Variants in STYXL1 observed in about 807,000 individuals in gnomAD.
The protein encoded by STYXL1 is serine/threonine/tyrosine interacting like 1.
Under a neutral mutation model 36.4 loss-of-function variants are expected in STYXL1, and 32 were observed. The observed-to-expected ratio is 0.88, with a 90% CI of 0.66 to 1.18. The LOEUF (loss-of-function observed/expected upper bound fraction) is 1.18. STYXL1 is among the 50% of genes most tolerant of loss of function. The probability of loss-of-function intolerance (pLI) is 0.00; values close to 1 mark genes in which losing one functional copy is unlikely to be tolerated. For missense variants in STYXL1, 354 were observed against 394.1 expected (o/e 0.90, Z 0.86); for synonymous variants, 133 against 144.1 (o/e 0.92, Z 0.55).
At chr7:76,016,125 CAT>C (rs781933330) in intron 4 of STYXL1, among the ~76,000 whole-genome samples, 5 of 151,880 alleles carry the variant, frequency 3.3e-5, no homozygotes, top group Non-Finnish European at 4.4e-5. Flanking sequence ...TATACACACA[CAT>C]ATATCTATAC....
chr7:76,046,993 G>T (rs1554583924), intron 1 of STYXL1, among the ~76,000 whole-genome samples: 1 of 151,540 alleles, frequency 6.6e-6, no homozygotes, highest in African/African-American at 2.4e-5. Context: ...CGGGCGCGGT[G>T]GCTCACGCCT....
intron 4 of STYXL1, among the ~76,000 whole-genome samples, chr7:76,021,078 G>A (rs541041349): frequency 6.9e-6 from 1 of 144,948 alleles, no homozygotes; most frequent in African/African-American, 2.6e-5. Flanking sequence ...CCTGTTACAA[G>A]AATTTTTTTT....
chr7:76,042,997 CAAG>C (rs1389112350), intron 1 of STYXL1, among the ~76,000 whole-genome samples: 2 of 152,154 alleles, frequency 1.3e-5, no homozygotes, highest in Non-Finnish European at 2.9e-5. Context: ...GTTGGCAAAG[CAAG>C]AAGAGGTAGC....
chr7:75,998,381 T>C (rs1438439233), intron 8 of STYXL1, among the ~76,000 whole-genome samples: 1 of 151,598 alleles, frequency 6.6e-6, no homozygotes, highest in African/African-American at 2.4e-5. Context: ...TACTGCAACC[T>C]CCGCCTCCTG....
intron 1 of STYXL1, among the ~76,000 whole-genome samples, chr7:76,036,244 G>A (rs782166846): frequency 6.7e-6 from 1 of 149,924 alleles, no homozygotes; most frequent in Non-Finnish European, 1.5e-5. Flanking sequence ...AGGATTACAG[G>A]TGCCCACCAC....
chr7:75,996,631 C>T (rs561858018), intron 8 of STYXL1, 32 bp from the exon 9 acceptor site: 13 of 1,609,892 alleles, frequency 8.1e-6, no homozygotes, highest in Admixed American at 3.3e-5. Flanking sequence ...GTGAACTTCA[C>T]GATTGGTCCT....
chr7:76,003,743 A>G lies in STYXL1; in HGVS notation c.697+15T>C. 2 of 1,613,740 alleles carry G rather than the reference A, an allele frequency of 1.2e-6. No individual in the cohort carries two copies. The highest frequency in any genetic ancestry group is 1.7e-6 in the Non-Finnish European group (2 of 1,179,644). On this transcript the variant is annotated intron_variant, in intron 7 of 8. Transcript: ENST00000359697. ...ACACAGGCCAGTTGCTACCCGGCCAAGGAACGCTCCTTACCAATGAAGTGA... is the reference window on the plus strand; with the variant it reads ...ACACAGGCCAGTTGCTACCCGGCCAGGGAACGCTCCTTACCAATGAAGTGA...
chr7:76,042,391 T>TG, intron 1 of STYXL1, among the ~76,000 whole-genome samples: 1 of 46,726 alleles, frequency 2.1e-5, no homozygotes, highest in African/African-American at 2.0e-4. Flanking sequence ...CCTTATGTGC[T>TG]TTTTTTTTTT....
intron 1 of STYXL1, among the ~76,000 whole-genome samples, chr7:76,042,315 C>A (rs1461658149): frequency 1.4e-5 from 2 of 145,094 alleles, no homozygotes; most frequent in African/African-American, 5.0e-5. Context: ...ATTTTCTATT[C>A]TTGCCTGGGA....
At chr7:76,020,404 G>A (rs1362824056) in intron 4 of STYXL1, among the ~76,000 whole-genome samples, 1 of 152,134 alleles carries the variant, frequency 6.6e-6, no homozygotes, top group Non-Finnish European at 1.5e-5. Context: ...AATGGCAAAG[G>A]GTGGTCAGCC....
At chr7:76,022,488 G>A (rs1010196435) in intron 3 of STYXL1, among the ~76,000 whole-genome samples, 6 of 127,766 alleles carry the variant, frequency 4.7e-5, no homozygotes, top group East Asian at 2.1e-4. Context: ...CAAGATCCCC[G>A]ACTCTATGAA....
At chr7:76,016,278 ATATG>A (rs1793315588) in intron 4 of STYXL1, among the ~76,000 whole-genome samples, 1 of 151,736 alleles carries the variant, frequency 6.6e-6, no homozygotes, top group African/African-American at 2.4e-5. Context: ...ATGTGTGTAT[ATATG>A]TATATCTATA....
chr7:75,999,487 T>TTG (rs1585165682), intron 8 of STYXL1, among the ~76,000 whole-genome samples: 1 of 77,754 alleles, frequency 1.3e-5, no homozygotes, highest in East Asian at 3.8e-4. Context: ...TGGTAATTTT[T>TTG]TTGTTGTGTG....
chr7:75,997,302 C>CT (rs1790248260), intron 8 of STYXL1, among the ~76,000 whole-genome samples: 1 of 152,156 alleles, frequency 6.6e-6, no homozygotes, highest in Admixed American at 6.5e-5. Flanking sequence ...AGTATGGTGG[C>CT]ACATGCCTGT....
intron 1 of STYXL1, among the ~76,000 whole-genome samples, chr7:76,042,390 C>CTTTTTCTTTT (rs1796554576): frequency 2.4e-5 from 1 of 41,814 alleles, no homozygotes; most frequent in Non-Finnish European, 5.3e-5. Flanking sequence ...CCCTTATGTG[C>CTTTTTCTTTT]TTTTTTTTTT....
chr7:76,041,491 T>C (rs1449415670), intron 1 of STYXL1, among the ~76,000 whole-genome samples: 3 of 152,188 alleles, frequency 2.0e-5, no homozygotes, highest in Non-Finnish European at 2.9e-5. Context: ...TTAAGATGGA[T>C]GAATGTCTTC....
At chr7:76,029,817 G>A (rs1424068751) in intron 2 of STYXL1, among the ~76,000 whole-genome samples, 2 of 152,070 alleles carry the variant, frequency 1.3e-5, no homozygotes, top group Non-Finnish European at 2.9e-5. Context: ...AGAATCTAAT[G>A]CTGCTGCTGA....
At chr7:76,029,416 G>A (rs1795081968) in intron 2 of STYXL1, among the ~76,000 whole-genome samples, 1 of 152,040 alleles carries the variant, frequency 6.6e-6, no homozygotes, top group Non-Finnish European at 1.5e-5. Context: ...CAAAACACTG[G>A]GATTACAGGC....
Position 76,046,327 on chromosome 7 carries a change from TGTGTGTGTGTGTGCGCGCGCGCGC to T in STYXL1, c.-5+1311_-5+1334del, listed in dbSNP as rs1454923820. Among the ~76,000 whole-genome samples, 82 of 13,674 alleles carry T rather than the reference TGTGTGTGTGTGTGCGCGCGCGCGC, an allele frequency of 6.0e-3. 4 individuals are homozygous for T. Among genetic ancestry groups the T allele is most frequent in the African/African-American group, 0.014 (62 of 4,294 alleles). The allele number at this position is 13,674 out of a possible 152,430, so 9.0% of individuals were successfully genotyped here. ...GTGTGTGTGTGTGTGTGTGTGTGTG[TGTGTGTGTGTGTGCGCGCGCGCGC>T]GCGCGCGCTTTTGAGCCGGAGTTTA... On this transcript the variant is annotated intron_variant, in intron 1 of 8. Coordinates refer to ENST00000359697, the MANE Select transcript of STYXL1 (RefSeq NM_001317785.2).
Sources: gnomAD v4.1 joint callset for allele counts (sites outside exome capture counted in the v4.1 genomes callset) on GRCh38, gnomAD v4.1.1 for gene constraint, MANE v1.5 for transcripts, NCBI Gene and HGNC (gene_info 2026-07-23, HGNC 2026-07-21) for gene names.